Variants in CYTH3 observed in about 807,000 individuals in gnomAD.
CYTH3 encodes cytohesin 3.
A neutral mutation model predicts 55.1 loss-of-function variants in CYTH3; 23 were observed. The ratio of observed to expected loss-of-function variants is 0.42; its 90% CI spans 0.30 to 0.59. The LOEUF (loss-of-function observed/expected upper bound fraction) is 0.59, where lower values mean the gene tolerates loss of function less well. Ranked by LOEUF, CYTH3 falls within the 20% of genes least tolerant of loss-of-function variation. The pLI is 0.20. For missense variants in CYTH3, 413 were observed against 524.8 expected, an observed-to-expected ratio of 0.79 and a Z score of 2.08; for synonymous variants, 249 against 194.9, an observed-to-expected ratio of 1.28 and a Z score of -2.31.
intron 4 of CYTH3, among the ~76,000 whole-genome samples, chr7:6,179,470 G>A (rs1020380520): frequency 6.6e-6 from 1 of 151,966 alleles, no homozygotes; most frequent in Non-Finnish European, 1.5e-5. Context: ...TTTAGAATTT[G>A]TGCACCATGT....
chr7:6,213,761 C>T (rs1019266905), intron 1 of CYTH3, among the ~76,000 whole-genome samples: 4 of 151,664 alleles, frequency 2.6e-5, no homozygotes, highest in African/African-American at 9.7e-5. Flanking sequence ...AGATTACACC[C>T]AAGCAGAAGA....
intron 1 of CYTH3, among the ~76,000 whole-genome samples, chr7:6,256,177 A>G (rs1259520405): frequency 1.3e-5 from 2 of 152,202 alleles, no homozygotes; most frequent in Non-Finnish European, 2.9e-5. Flanking sequence ...TGATCCAATC[A>G]ACTACATTTC....
At chr7:6,227,598 T>A (rs966509686) in intron 1 of CYTH3, among the ~76,000 whole-genome samples, 16 of 152,128 alleles carry the variant, frequency 1.1e-4, no homozygotes, top group African/African-American at 3.9e-4. Flanking sequence ...TCAGGGCCCT[T>A]ACTCTACACA....
Position 6,169,471 on chromosome 7 carries a change from A to C in CYTH3, c.823+1064T>G, listed in dbSNP as rs539340739. On this transcript the variant is annotated intron_variant, in intron 9 of 12. Transcript: ENST00000350796. The surrounding 1 kb of genome is among the most constrained non-coding windows in gnomAD (Gnocchi z 4.1). ...AGCAATCCTCCCACCTCAGCCTCCCAAAGCACTAGGATTACACACATGAGC... is the reference window on the plus strand; with the variant it reads ...AGCAATCCTCCCACCTCAGCCTCCCCAAGCACTAGGATTACACACATGAGC... Among the ~76,000 whole-genome samples the C allele has an allele frequency of 3.9e-4, 60 of 152,246 alleles. No individual in the cohort carries two copies. Among genetic ancestry groups the C allele is most frequent in the African/African-American group, 1.3e-3 (54 of 41,542 alleles).
At position 6,260,068 on chromosome 7, in the gene CYTH3, A is replaced by G. The variant is rs1272817082; in HGVS notation, c.34+12406T>C. ...GGTGTGGAACTCCCAACCTCAGGTG[A>G]TCCACCCTCCTCGGCCTCCCAAAGT... On this transcript the variant is annotated intron_variant, in intron 1 of 12. Transcript: ENST00000350796. Among the ~76,000 whole-genome samples the G allele has an allele frequency of 1.3e-4, 20 of 150,830 alleles. No homozygotes were observed. In the Admixed American group the frequency reaches 1.3e-3, roughly 10 times the overall value.
At chr7:6,265,568 G>A (rs903468818) in intron 1 of CYTH3, among the ~76,000 whole-genome samples, 2 of 149,582 alleles carry the variant, frequency 1.3e-5, no homozygotes, top group Non-Finnish European at 3.0e-5. Flanking sequence ...GCAGTGAGCC[G>A]AGATCGCTCC....
chr7:6,172,778 G>C (rs967906873), intron 6 of CYTH3: 3 of 1,274,358 alleles, frequency 2.4e-6, no homozygotes, highest in African/African-American at 3.1e-5. Context: ...AACGCAATCT[G>C]ATAAGCCTGA....
chr7:6,177,227 A>T (rs1030948817), intron 5 of CYTH3, among the ~76,000 whole-genome samples: 11 of 150,462 alleles, frequency 7.3e-5, no homozygotes, highest in Non-Finnish European at 1.4e-4. Context: ...TATTTTTTTT[A>T]AAAAAGCTAA....
intron 1 of CYTH3, among the ~76,000 whole-genome samples, chr7:6,222,608 G>A (rs373661884): frequency 1.8e-4 from 28 of 152,008 alleles, no homozygotes; most frequent in African/African-American, 4.3e-4. Flanking sequence ...TTAGCCGGGC[G>A]TGGTGGCGGG....
At chr7:6,256,775 C>T (rs553157752) in intron 1 of CYTH3, among the ~76,000 whole-genome samples, 1 of 152,228 alleles carries the variant, frequency 6.6e-6, no homozygotes, top group East Asian at 1.9e-4. Flanking sequence ...ACTTGTCAGG[C>T]AGAGCAACTA....
chr7:6,214,372 C>T (rs1294879905), intron 1 of CYTH3, among the ~76,000 whole-genome samples: 3 of 152,174 alleles, frequency 2.0e-5, no homozygotes, highest in African/African-American at 7.2e-5. Flanking sequence ...TTAGAGAACT[C>T]TACAGATTTC....
At chr7:6,271,204 T>C (rs1382095207) in intron 1 of CYTH3, among the ~76,000 whole-genome samples, 2 of 152,078 alleles carry the variant, frequency 1.3e-5, no homozygotes, top group Non-Finnish European at 2.9e-5. Flanking sequence ...TAGCTTCAAC[T>C]ATAAGAACTG....
intron 1 of CYTH3, among the ~76,000 whole-genome samples, chr7:6,245,012 T>C (rs1288560716): frequency 1.5e-5 from 2 of 131,428 alleles, no homozygotes; most frequent in Non-Finnish European, 3.1e-5. Context: ...AGTAGAGACA[T>C]GGTTTCCCGT....
intron 1 of CYTH3, among the ~76,000 whole-genome samples, chr7:6,265,447 T>A (rs1384822491): frequency 6.9e-6 from 1 of 145,592 alleles, no homozygotes; most frequent in Non-Finnish European, 1.5e-5. Flanking sequence ...CCGTATCTAT[T>A]AAAAAAAAAA....
chr7:6,171,635 C>CAG lies in CYTH3; in HGVS notation c.450-322_450-321insCT, dbSNP rs1166863183. On this transcript the variant is annotated intron_variant, in intron 6 of 12. Coordinates refer to ENST00000350796, the MANE Select transcript of CYTH3 (RefSeq NM_004227.4). This position sits in a 1 kb window ranked among gnomAD's most constrained non-coding sequence, Gnocchi z 6.7. ...TCCCCATTGCCACCATCTCCTGCTG[C>CAG]TGCCAGGTGATCACCAGAGCCCTGC... 8.1e-5 allele frequency: 25 copies of CAG among 309,384 alleles called. No homozygotes were observed. The highest frequency in any genetic ancestry group is 1.5e-4 in the Non-Finnish European group (23 of 156,068). 19.2% of individuals were successfully genotyped at this position (309,384 alleles called of 1,614,324 possible). A position where few individuals can be genotyped will look rare whatever the true frequency, so the allele number is the denominator to read the frequency against.
chr7:6,190,364 A>AAT, intron 2 of CYTH3, 85 bp downstream of exon 2: 1 of 872,042 alleles, frequency 1.1e-6, no homozygotes, highest in Non-Finnish European at 1.5e-6. Context: ...TTTTTTTTAC[A>AAT]TTTTTGTGAG....
intron 1 of CYTH3, among the ~76,000 whole-genome samples, chr7:6,214,036 T>C (rs1019226963): frequency 6.6e-5 from 10 of 152,316 alleles, no homozygotes; most frequent in African/African-American, 1.9e-4. Context: ...AGAAGACATA[T>C]TTTGATTCAA....
intron 1 of CYTH3, among the ~76,000 whole-genome samples, chr7:6,240,952 G>GAA (rs369870540): frequency 7.3e-6 from 1 of 137,906 alleles, no homozygotes. Flanking sequence ...CGTCTCTGCT[G>GAA]AAAAAAAAAA....
At position 6,269,675 on chromosome 7, in the gene CYTH3, G is replaced by A. The variant is rs998279298; in HGVS notation, c.34+2799C>T. Among the ~76,000 whole-genome samples the A allele has an allele frequency of 2.6e-5, 4 of 152,282 alleles. No individual in the cohort carries two copies. The South Asian group carries it at 8.3e-4, about 32-fold the overall frequency. On this transcript the variant is annotated intron_variant, in intron 1 of 12. Transcript: ENST00000350796. ...GACTTAACTACACTCTGCACACACTGTAAGGAACAATGTGTTCTTGTAATC... is the reference window on the plus strand; with the variant it reads ...GACTTAACTACACTCTGCACACACTATAAGGAACAATGTGTTCTTGTAATC...
Sources: gnomAD v4.1 joint callset for allele counts (sites outside exome capture counted in the v4.1 genomes callset) on GRCh38, gnomAD v4.1.1 for gene constraint, Gnocchi (gnomAD v3.1) non-coding constraint, MANE v1.5 for transcripts, NCBI Gene and HGNC (gene_info 2026-07-23, HGNC 2026-07-21) for gene names.